VWC2L: variants seen among roughly 807,000 people sequenced by gnomAD.
The protein encoded by VWC2L is von Willebrand factor C domain containing 2 like.
In VWC2L, 10 loss-of-function variants were observed where a neutral mutation model predicts 21.6. The ratio of observed to expected loss-of-function variants is 0.46; its 90% confidence interval spans 0.29 to 0.78. The LOEUF (loss-of-function observed/expected upper bound fraction) is 0.78. Among genes scored for constraint, VWC2L ranks in the 30% least tolerant of loss-of-function variants. VWC2L has a pLI of 0.10. For missense variants in VWC2L, 209 were observed against 277.1 expected (o/e 0.75, Z 1.74); for synonymous variants, 96 against 94.3 (o/e 1.02, Z -0.10).
intron 3 of VWC2L, among the ~76,000 whole-genome samples, chr2:214,506,160 A>G (rs1295598930): frequency 6.6e-6 from 1 of 152,188 alleles, no homozygotes; most frequent in East Asian, 1.9e-4. Context: ...TTTCCTATCG[A>G]CATATTTAAG....
At chr2:214,555,331 A>G (rs1397973316) in intron 3 of VWC2L, among the ~76,000 whole-genome samples, 1 of 152,060 alleles carries the variant, frequency 6.6e-6, no homozygotes. Flanking sequence ...CTGTAATCCA[A>G]CCACCTTGGG....
chr2:214,421,409 CT>C (rs1702437413), intron 2 of VWC2L, among the ~76,000 whole-genome samples: 1 of 152,068 alleles, frequency 6.6e-6, no homozygotes, highest in Non-Finnish European at 1.5e-5. Flanking sequence ...TCAGCTAGCC[CT>C]TTTGTTAGTT....
At chr2:214,478,162 T>C (rs1375823590) in intron 3 of VWC2L, among the ~76,000 whole-genome samples, 1 of 152,162 alleles carries the variant, frequency 6.6e-6, no homozygotes, top group African/African-American at 2.4e-5. Flanking sequence ...GAAGGTGTGG[T>C]CTTATTCCTT....
chr2:214,553,535 A>AG (rs529816088), intron 3 of VWC2L, among the ~76,000 whole-genome samples: 64 of 152,288 alleles, frequency 4.2e-4, no homozygotes, highest in Middle Eastern at 6.8e-3. Flanking sequence ...GGTTAAGATA[A>AG]GGGGTTATGG....
intron 3 of VWC2L, among the ~76,000 whole-genome samples, chr2:214,479,107 A>C (rs953215642): frequency 1.3e-5 from 2 of 152,154 alleles, no homozygotes; most frequent in African/African-American, 4.8e-5. Context: ...TTGATCTTGC[A>C]GAGGACCCCA....
chr2:214,478,878 C>T lies in VWC2L; in HGVS notation c.520+42120C>T, dbSNP rs564551880. 2.2e-4 allele frequency among the ~76,000 whole-genome samples: 34 copies of T among 152,300 alleles called. No homozygotes were observed. In the South Asian group the frequency reaches 6.8e-3, roughly 31 times the overall value. On this transcript the variant is annotated intron_variant, in intron 3 of 3. Coordinates refer to ENST00000312504, the MANE Select transcript of VWC2L (RefSeq NM_001080500.4). ...CTGCCTTACCTTTCCCAGGTAGAGG[C>T]CAGCTACCATTCTGCTCTGCTTCCC... is the stretch of plus-strand genomic sequence containing the variant.
chr2:214,521,019 C>A (rs1050478680), intron 3 of VWC2L, among the ~76,000 whole-genome samples: 2 of 151,530 alleles, frequency 1.3e-5, no homozygotes, highest in Admixed American at 1.3e-4. Context: ...GTCAGGAGAT[C>A]GAGACCATCC....
chr2:214,560,355 C>T (rs1689946977), intron 3 of VWC2L, among the ~76,000 whole-genome samples: 1 of 152,020 alleles, frequency 6.6e-6, no homozygotes, highest in Non-Finnish European at 1.5e-5. Flanking sequence ...TTTTCTGCTT[C>T]GTTGTGGTGT....
intron 3 of VWC2L, among the ~76,000 whole-genome samples, chr2:214,571,374 C>T (rs921410133): frequency 1.3e-5 from 2 of 152,094 alleles, no homozygotes; most frequent in Admixed American, 6.6e-5. Flanking sequence ...AGAACATGCA[C>T]TTTTTATGTG....
chr2:214,513,043 T>C (rs1689081583), intron 3 of VWC2L, among the ~76,000 whole-genome samples: 1 of 152,216 alleles, frequency 6.6e-6, no homozygotes, highest in Non-Finnish European at 1.5e-5. Flanking sequence ...TGCACAGCCC[T>C]GTTGAAAAAG....
Position 214,578,546 on chromosome 2 carries a change from C to A in VWC2L, c.*2726C>A, listed in dbSNP as rs1690268282. 6.6e-6 allele frequency: 1 copy of A among 152,152 alleles called. No individual in the cohort carries two copies. Among genetic ancestry groups the A allele is most frequent in the Admixed American group, 6.5e-5 (1 of 15,272 alleles). 9.4% of individuals were successfully genotyped at this position (152,152 alleles called of 1,614,324 possible). A position where few individuals can be genotyped will look rare whatever the true frequency, so the allele number is the denominator to read the frequency against. On this transcript the variant is annotated 3_prime_UTR_variant, in exon 4 of 4. Coordinates refer to ENST00000312504, the MANE Select transcript of VWC2L (RefSeq NM_001080500.4). ...TTTCCCCCTTTAGGGAGAGATGAAC[C>A]TATACTGTGACAATTTCTCATAAAC...
chr2:214,464,186 A>G (rs1020257959), intron 3 of VWC2L, among the ~76,000 whole-genome samples: 1 of 151,998 alleles, frequency 6.6e-6, no homozygotes, highest in Non-Finnish European at 1.5e-5. Context: ...AGGTCATGTT[A>G]TCCTGGCTGG....
chr2:214,566,770 C>G (rs1690068680), intron 3 of VWC2L, among the ~76,000 whole-genome samples: 1 of 152,132 alleles, frequency 6.6e-6, no homozygotes, highest in African/African-American at 2.4e-5. Context: ...GCACTTAGTA[C>G]AATTTTAACT....
At chr2:214,495,678 G>C (rs1359170065) in intron 3 of VWC2L, among the ~76,000 whole-genome samples, 1 of 152,006 alleles carries the variant, frequency 6.6e-6, no homozygotes, top group Non-Finnish European at 1.5e-5. Context: ...AAACAGAGCT[G>C]TTCTATCAAA....
intron 3 of VWC2L, among the ~76,000 whole-genome samples, chr2:214,448,958 A>T (rs747029985): frequency 4.6e-5 from 7 of 152,002 alleles, no homozygotes; most frequent in Non-Finnish European, 1.0e-4. Context: ...CCTATCCCAG[A>T]TGTCTTCTCC....
intron 3 of VWC2L, among the ~76,000 whole-genome samples, chr2:214,543,867 C>T (rs1689664508): frequency 6.6e-6 from 1 of 152,108 alleles, no homozygotes; most frequent in Admixed American, 6.5e-5. Flanking sequence ...TTCATTTTGT[C>T]GCCAGGTAAG....
At chr2:214,485,699 A>C (rs1688664268) in intron 3 of VWC2L, among the ~76,000 whole-genome samples, 1 of 152,132 alleles carries the variant, frequency 6.6e-6, no homozygotes, top group African/African-American at 2.4e-5. Context: ...ACTACCTGAC[A>C]TATGTCTCCA....
intron 2 of VWC2L, among the ~76,000 whole-genome samples, chr2:214,424,861 C>T (rs774445602): frequency 2.2e-4 from 33 of 151,862 alleles, no homozygotes; most frequent in Non-Finnish European, 4.4e-4. Context: ...GTATTTAATG[C>T]GATTATTTAT....
chr2:214,478,760 A>G (rs1004850791), intron 3 of VWC2L, among the ~76,000 whole-genome samples: 2 of 151,994 alleles, frequency 1.3e-5, no homozygotes, highest in Non-Finnish European at 2.9e-5. Flanking sequence ...CTTGAGGAAC[A>G]CCCCAAAGCA....
Sources: allele counts gnomAD v4.1 joint callset (sites outside exome capture counted in the v4.1 genomes callset), GRCh38; gene constraint gnomAD v4.1.1; transcripts MANE v1.5; gene names NCBI Gene and HGNC (gene_info 2026-07-23, HGNC 2026-07-21).